TOX: variants seen among roughly 807,000 people sequenced by gnomAD.
TOX encodes thymocyte selection associated high mobility group box, also known as thymocyte selection-associated high mobility group box protein TOX.
TOX carries 11 observed loss-of-function variants against 53.7 expected under a neutral mutation model. The ratio of observed to expected loss-of-function variants is 0.20; its 90% CI spans 0.13 to 0.34. The LOEUF (loss-of-function observed/expected upper bound fraction) is 0.34. TOX is among the 10% of genes least tolerant of loss of function. The pLI, the probability that TOX is intolerant of heterozygous loss-of-function variation, is 1.00. For synonymous variants in TOX, 225 were observed against 245.3 expected (o/e 0.92, Z 0.77); for missense variants, 570 against 664.6 (o/e 0.86, Z 1.56).
chr8:58,986,102 T>C (rs1813323618), intron 1 of TOX, among the ~76,000 whole-genome samples: 1 of 152,230 alleles, frequency 6.6e-6, no homozygotes, highest in Non-Finnish European at 1.5e-5. Context: ...TTAAAAATCC[T>C]CACTACTCTT....
chr8:58,868,616 A>T (rs551413134), intron 3 of TOX, among the ~76,000 whole-genome samples: 1 of 152,250 alleles, frequency 6.6e-6, no homozygotes, highest in South Asian at 2.1e-4. Flanking sequence ...TCAACATATG[A>T]ATAACTTAAG....
intron 1 of TOX, among the ~76,000 whole-genome samples, chr8:59,064,350 C>G (rs546057701): frequency 1.3e-5 from 2 of 152,296 alleles, no homozygotes; most frequent in South Asian, 4.1e-4. Context: ...AGTTTTCCAG[C>G]ATATTTTTAA....
intron 5 of TOX, among the ~76,000 whole-genome samples, chr8:58,837,446 A>C (rs1320907068): frequency 6.6e-6 from 1 of 152,206 alleles, no homozygotes; most frequent in East Asian, 1.9e-4. Context: ...AATCCTCTTT[A>C]AGACCTTCTG....
chr8:59,024,560 A>AG (rs1333367772), intron 1 of TOX, among the ~76,000 whole-genome samples: 1 of 152,178 alleles, frequency 6.6e-6, no homozygotes, highest in Non-Finnish European at 1.5e-5. Flanking sequence ...TTTTGTGTTC[A>AG]GCTAGCGGCC....
chr8:58,991,974 G>A (rs1481092085), intron 1 of TOX: 1 of 152,260 alleles, frequency 6.6e-6, no homozygotes, highest in Non-Finnish European at 1.5e-5. Flanking sequence ...GACGCGTGGT[G>A]GAGACGCCGG....
chr8:59,090,325 C>T (rs180846288), intron 1 of TOX, among the ~76,000 whole-genome samples: 2 of 152,282 alleles, frequency 1.3e-5, no homozygotes, highest in Admixed American at 1.3e-4. Context: ...CCCTGTGACT[C>T]TTTAAATTTT....
chr8:58,945,481 A>C (rs2197803), intron 2 of TOX, among the ~76,000 whole-genome samples: 51,444 of 151,790 alleles, frequency 0.34, 8,864 homozygotes, highest in East Asian at 0.4. Flanking sequence ...ACCTTCCCAG[A>C]CTCCCATTTC....
chr8:59,077,987 T>C (rs757274733), intron 1 of TOX, among the ~76,000 whole-genome samples: 1 of 151,998 alleles, frequency 6.6e-6, no homozygotes, highest in Non-Finnish European at 1.5e-5. Context: ...AGGGAGAAGA[T>C]GAATCAACTT....
intron 5 of TOX, among the ~76,000 whole-genome samples, chr8:58,831,891 C>T (rs1810459090): frequency 6.6e-6 from 1 of 152,064 alleles, no homozygotes; most frequent in African/African-American, 2.4e-5. Flanking sequence ...TACAGGTATA[C>T]AATCCACCCA....
intron 6 of TOX, among the ~76,000 whole-genome samples, chr8:58,818,852 C>T (rs982889894): frequency 1.3e-4 from 20 of 152,306 alleles, no homozygotes; most frequent in Non-Finnish European, 2.4e-4. Flanking sequence ...ATACACTGCC[C>T]TTTATGCCTC....
intron 1 of TOX, among the ~76,000 whole-genome samples, chr8:59,111,029 AT>A (rs1249042993): frequency 1.3e-5 from 2 of 152,168 alleles, no homozygotes; most frequent in African/African-American, 2.4e-5. Flanking sequence ...TTTGATACAA[AT>A]ATATTTTCTC....
In TOX at chr8:58,924,321, C is replaced by T. The variant is rs532619141; in HGVS notation, c.411+14981G>A. ...TACAGTATATACAGAGTTGTCCTCA[C>T]CATCCCCTCTCTCCATACATACTAA... On this transcript the variant is annotated intron_variant, in intron 3 of 8. Coordinates refer to ENST00000361421, the MANE Select transcript of TOX (RefSeq NM_014729.3). Among the ~76,000 whole-genome samples, 3 of 152,334 alleles carry T rather than the reference C, an allele frequency of 2.0e-5. No individual in the cohort carries two copies. The South Asian group carries it at 6.2e-4, about 32-fold the overall frequency.
intron 1 of TOX, among the ~76,000 whole-genome samples, chr8:59,111,278 T>C (rs1040342115): frequency 6.6e-6 from 1 of 152,196 alleles, no homozygotes; most frequent in African/African-American, 2.4e-5. Flanking sequence ...GAAAGGCCTA[T>C]GGTTTTCCTT....
chr8:58,926,556 A>G (rs1006753006), intron 3 of TOX, among the ~76,000 whole-genome samples: 1 of 152,238 alleles, frequency 6.6e-6, no homozygotes, highest in Non-Finnish European at 1.5e-5. Context: ...CACATTAGAA[A>G]AAGTAGCAGG....
At chr8:58,911,982 G>A (rs575526625) in intron 3 of TOX, among the ~76,000 whole-genome samples, 79 of 152,324 alleles carry the variant, frequency 5.2e-4, no homozygotes, top group Non-Finnish European at 7.8e-4. Context: ...GATTACAGGC[G>A]TGAGCCACCG....
intron 3 of TOX, among the ~76,000 whole-genome samples, chr8:58,870,796 A>C (rs954580247): frequency 3.3e-5 from 5 of 152,174 alleles, no homozygotes; most frequent in African/African-American, 1.2e-4. Context: ...GTCTTTTCAA[A>C]AAATTGGTGC....
intron 1 of TOX, among the ~76,000 whole-genome samples, chr8:59,096,967 A>C (rs893643957): frequency 1.3e-5 from 2 of 152,178 alleles, no homozygotes; most frequent in African/African-American, 4.8e-5. Flanking sequence ...ATCTAAGTGC[A>C]TTGCTGGAAA....
rs12548291 is a variant in TOX, at chr8:58,897,123, C to G, written c.411+42179G>C. 3.4e-3 allele frequency among the ~76,000 whole-genome samples: 523 copies of G among 152,210 alleles called. 11 individuals are homozygous for G. Among genetic ancestry groups the G allele is most frequent in the Admixed American group, 0.022 (330 of 15,290 alleles). On this transcript the variant is annotated intron_variant, in intron 3 of 8. Transcript: ENST00000361421. ...GTTTGAAATAAAAGGGCATTTACAC[C>G]TTGCATTATAAAATATCTTCCTAGC...
chr8:58,931,402 G>T (rs577082781), intron 3 of TOX, among the ~76,000 whole-genome samples: 1 of 152,018 alleles, frequency 6.6e-6, no homozygotes, highest in Admixed American at 6.6e-5. Flanking sequence ...AAAGGAATTG[G>T]GGTTATTTGG....
Sources: gnomAD v4.1 joint callset for allele counts (sites outside exome capture counted in the v4.1 genomes callset) on GRCh38, gnomAD v4.1.1 for gene constraint, MANE v1.5 for transcripts, NCBI Gene and HGNC (gene_info 2026-07-23, HGNC 2026-07-21) for gene names.